The following FAM120C variants were observed in gnomAD, a reference collection of about 807,000 sequenced individuals.
FAM120C encodes the protein family with sequence similarity 120 member C, also known as constitutive coactivator of PPAR-gamma-like protein 2.
A neutral mutation model predicts 71.2 loss-of-function variants in FAM120C; 14 were observed. That is an observed-to-expected ratio of 0.20 (90% CI 0.13 to 0.31). The LOEUF (loss-of-function observed/expected upper bound fraction) is 0.31, where lower values mean the gene tolerates loss of function less well. FAM120C is among the 10% of genes least tolerant of loss of function. FAM120C has a pLI of 1.00. For missense variants in FAM120C, 500 were observed against 879.0 expected (o/e 0.57, Z 5.45); for synonymous variants, 354 against 353.2 (o/e 1.00, Z -0.03).
At chrX:54,148,941 C>T (rs2067171098) in intron 4 of FAM120C, among the ~76,000 whole-genome samples, 1 of 111,541 alleles carries the variant, frequency 9.0e-6, no homozygotes, top group Non-Finnish European at 1.9e-5. Context: ...ATAAATATAT[C>T]TAATTTTCAT....
chrX:54,073,135 A>G lies in FAM120C; in HGVS notation c.3189T>C (p.Asn1063=). Residue 1063 remains asparagine, a synonymous_variant, in exon 16 of 16, where the codon AAT becomes AAC. Coordinates refer to ENST00000375180, the MANE Select transcript of FAM120C (RefSeq NM_017848.6). Reference sequence around the variant, plus strand: ...GGTAGCGGTTACCATTATTACACTCATTGCTGTCTCTGGATAAGGCACATT... The same window carrying G: ...GGTAGCGGTTACCATTATTACACTCGTTGCTGTCTCTGGATAAGGCACATT... The part of the protein sequence containing the change: ...PSQCALSRDS[N]ECNNGNRYLP... The G allele has an allele frequency of 2.5e-6, 3 of 1,211,080 alleles. No individual in the cohort carries two copies. Among genetic ancestry groups the G allele is most frequent in the Non-Finnish European group, 3.4e-6 (3 of 895,286 alleles).
chrX:54,080,199 C>T (rs782224012), intron 15 of FAM120C, 33 bp downstream of exon 15: 2 of 1,157,372 alleles, frequency 1.7e-6, no homozygotes, highest in Non-Finnish European at 1.2e-6. Flanking sequence ...AGGCATCAAA[C>T]AGAAGCTAAA....
chrX:54,146,502 G>A (rs781857654), intron 4 of FAM120C, among the ~76,000 whole-genome samples: 5 of 110,012 alleles, frequency 4.5e-5, no homozygotes, highest in African/African-American at 3.3e-5. Context: ...GTAACATAGC[G>A]GGACCTTATC....
chrX:54,114,874 A>G (rs1557126403), intron 10 of FAM120C, among the ~76,000 whole-genome samples: 2 of 111,021 alleles, frequency 1.8e-5, no homozygotes. Context: ...CAGCCTCTCA[A>G]GTAGCTGGGA....
chrX:54,115,396 G>C (rs2066962701), intron 10 of FAM120C, among the ~76,000 whole-genome samples: 1 of 111,869 alleles, frequency 8.9e-6, no homozygotes, highest in African/African-American at 3.2e-5. Flanking sequence ...TAAAATTAAA[G>C]ATACTACTTG....
chrX:54,172,048 T>G (rs2146647943), intron 1 of FAM120C: 1 of 112,834 alleles, frequency 8.9e-6, no homozygotes, highest in Admixed American at 9.4e-5. Flanking sequence ...AGTCAGCCAG[T>G]TTATCTCTTG....
At chrX:54,142,244 G>A (rs2067129142) in intron 4 of FAM120C, among the ~76,000 whole-genome samples, 2 of 111,561 alleles carry the variant, frequency 1.8e-5, no homozygotes, top group African/African-American at 6.5e-5. Flanking sequence ...TTGGACAGTG[G>A]GTGCTGGGTG....
At chrX:54,107,550 T>G (rs1409022116) in intron 10 of FAM120C, among the ~76,000 whole-genome samples, 1 of 107,599 alleles carries the variant, frequency 9.3e-6, no homozygotes, top group Non-Finnish European at 1.9e-5. Context: ...GACAGAGTCT[T>G]ACTCTGTCTC....
chrX:54,078,755 C>T (rs2066749019), intron 15 of FAM120C, among the ~76,000 whole-genome samples: 1 of 110,641 alleles, frequency 9.0e-6, no homozygotes, highest in African/African-American at 3.3e-5. Context: ...TTTGAGTCTA[C>T]TACAATATTT....
chrX:54,074,636 C>T (rs1557120419), intron 15 of FAM120C, among the ~76,000 whole-genome samples: 2 of 112,037 alleles, frequency 1.8e-5, no homozygotes, highest in African/African-American at 3.2e-5. Flanking sequence ...AGGCTGGTCT[C>T]GAATTCCCGA....
chrX:54,097,187 G>A (rs1430717532), intron 10 of FAM120C, among the ~76,000 whole-genome samples: 1 of 112,012 alleles, frequency 8.9e-6, no homozygotes, highest in Non-Finnish European at 1.9e-5. Flanking sequence ...GTGATGCAGC[G>A]ACTTTATACA....
At position 54,081,856 on chromosome X, in the gene FAM120C, G is replaced by A. The variant is rs1603351770; in HGVS notation, c.2840-396C>T. Among the ~76,000 whole-genome samples the A allele has an allele frequency of 3.7e-5, 4 of 107,933 alleles. 1 individual carries two copies. Among genetic ancestry groups the A allele is most frequent in the Admixed American group, 3.0e-4 (3 of 9,899 alleles). 93.7% of individuals were successfully genotyped at this position (107,933 alleles called of 115,157 possible). A position where few individuals can be genotyped will look rare whatever the true frequency, so the allele number is the denominator to read the frequency against. On this transcript the variant is annotated intron_variant, in intron 13 of 15. Coordinates refer to ENST00000375180, the MANE Select transcript of FAM120C (RefSeq NM_017848.6). ...AGGTGGACAAAAGATCCTACAACCC[G>A]CTACCTACTCTTTTTTCCATTTCTC... is the stretch of plus-strand genomic sequence containing the variant.
In FAM120C at chrX:54,146,507, C is replaced by T. The variant is rs947620413; in HGVS notation, c.1158+4738G>A. Among the ~76,000 whole-genome samples the T allele has an allele frequency of 2.7e-5, 3 of 110,171 alleles. No homozygotes were observed. In the South Asian group the frequency reaches 1.2e-3, roughly 43 times the overall value. The stretch of plus-strand genomic sequence containing the variant: ...ACCAGCCTGGGTAACATAGCGGGAC[C>T]TTATCTCTACAAAAAATTTAAAAAT... On this transcript the variant is annotated intron_variant, in intron 4 of 15. Coordinates refer to ENST00000375180, the MANE Select transcript of FAM120C (RefSeq NM_017848.6).
At chrX:54,163,212 C>T (rs1454657239) in intron 1 of FAM120C, among the ~76,000 whole-genome samples, 2 of 112,005 alleles carry the variant, frequency 1.8e-5, no homozygotes, top group Non-Finnish European at 3.8e-5. Context: ...CACACAAAAA[C>T]TTGTACATGA....
chrX:54,157,374 C>T (rs1183851237), intron 3 of FAM120C, among the ~76,000 whole-genome samples: 1 of 110,451 alleles, frequency 9.1e-6, no homozygotes, highest in Non-Finnish European at 1.9e-5. Context: ...CCTGTCTTAG[C>T]CTCCTGAGTA....
chrX:54,092,196 C>T (rs1301043134), intron 10 of FAM120C, among the ~76,000 whole-genome samples: 1 of 110,939 alleles, frequency 9.0e-6, no homozygotes, highest in Non-Finnish European at 1.9e-5. Context: ...ATAAAATTTG[C>T]CCTGCTCTTT....
intron 2 of FAM120C, among the ~76,000 whole-genome samples, chrX:54,158,733 C>T (rs1433533523): frequency 9.0e-6 from 1 of 111,397 alleles, no homozygotes; most frequent in African/African-American, 3.3e-5. Flanking sequence ...CGTGCCACTA[C>T]ACTCCAGCCT....
chrX:54,173,818 A>G (rs1462675137), intron 1 of FAM120C: 4 of 244,149 alleles, frequency 1.6e-5, no homozygotes, highest in African/African-American at 1.1e-4. Flanking sequence ...ATTTCTGTGT[A>G]ACAAAGTAGC....
At chrX:54,168,459 C>T (rs1297584585) in intron 1 of FAM120C, among the ~76,000 whole-genome samples, 1 of 112,234 alleles carries the variant, frequency 8.9e-6, no homozygotes, top group Non-Finnish European at 1.9e-5. Flanking sequence ...TTCTCTTCAA[C>T]CTGAGCTCAT....
Sources: gnomAD v4.1 joint callset for allele counts (sites outside exome capture counted in the v4.1 genomes callset) on GRCh38, gnomAD v4.1.1 for gene constraint, MANE v1.5 for transcripts, NCBI Gene and HGNC (gene_info 2026-07-23, HGNC 2026-07-21) for gene names.